Variants in SLC9A9 observed in about 807,000 individuals in gnomAD.
SLC9A9 encodes sodium/hydrogen exchanger 9.
Under a neutral mutation model 77.8 loss-of-function variants are expected in SLC9A9, and 62 were observed. The observed-to-expected ratio is 0.80, with a 90% CI of 0.65 to 0.98. SLC9A9 has a LOEUF of 0.98. Ranked by LOEUF, SLC9A9 falls within the 50% of genes least tolerant of loss-of-function variation. The pLI, the probability that SLC9A9 is intolerant of heterozygous loss-of-function variation, is 0.00. For synonymous variants in SLC9A9, 320 were observed against 283.5 expected, an observed-to-expected ratio of 1.13 and a Z score of -1.29; for missense variants, 775 against 774.9, an observed-to-expected ratio of 1.00 and a Z score of 0.00.
chr3:143,501,701 G>A (rs2035926260), intron 9 of SLC9A9, among the ~76,000 whole-genome samples: 1 of 150,942 alleles, frequency 6.6e-6, no homozygotes, highest in Non-Finnish European at 1.5e-5. Flanking sequence ...TCACAGCAAT[G>A]CAACAGTACT....
chr3:143,402,447 G>GTTTTTT (rs11292780), intron 12 of SLC9A9, among the ~76,000 whole-genome samples: 2 of 110,396 alleles, frequency 1.8e-5, no homozygotes, highest in African/African-American at 3.3e-5. Flanking sequence ...GCACCTTTGT[G>GTTTTTT]TTTTTTTTTT....
chr3:143,582,810 A>G (rs1054810127), intron 6 of SLC9A9, among the ~76,000 whole-genome samples: 2 of 152,174 alleles, frequency 1.3e-5, no homozygotes, highest in African/African-American at 4.8e-5. Flanking sequence ...AGGATGTTCT[A>G]TAAGCAAAGT....
chr3:143,276,048 G>C (rs1297862584), intron 14 of SLC9A9, among the ~76,000 whole-genome samples: 2 of 144,348 alleles, frequency 1.4e-5, no homozygotes, highest in Non-Finnish European at 2.9e-5. Flanking sequence ...TCTTTCCCTT[G>C]TCTCTACTGA....
intron 12 of SLC9A9, among the ~76,000 whole-genome samples, chr3:143,466,676 G>A (rs2035285556): frequency 6.6e-6 from 1 of 152,340 alleles, no homozygotes; most frequent in Non-Finnish European, 1.5e-5. Flanking sequence ...AGATTTCTCT[G>A]TATCAGTCCT....
At position 143,598,988 on chromosome 3, in the gene SLC9A9, A is replaced by T. The variant is rs2037803508; in HGVS notation, c.756-20265T>A. ...CTAGCCAAGCCAGATGCTGAAAATT[A>T]TGTAAGTAGAACCCACAGGTCGCCT... On this transcript the variant is annotated intron_variant, in intron 6 of 15. Coordinates refer to ENST00000316549, the MANE Select transcript of SLC9A9 (RefSeq NM_173653.4). 2.6e-5 allele frequency among the ~76,000 whole-genome samples: 4 copies of T among 152,226 alleles called. No homozygotes were observed. In the South Asian group the frequency reaches 8.3e-4, roughly 32 times the overall value.
chr3:143,350,073 T>C (rs1339199109), intron 14 of SLC9A9, among the ~76,000 whole-genome samples: 1 of 152,028 alleles, frequency 6.6e-6, no homozygotes, highest in African/African-American at 2.4e-5. Flanking sequence ...CCCACAAGAG[T>C]AGTCTTTCTG....
intron 5 of SLC9A9, among the ~76,000 whole-genome samples, chr3:143,687,809 G>T (rs1367641272): frequency 2.6e-5 from 4 of 152,076 alleles, no homozygotes; most frequent in Non-Finnish European, 5.9e-5. Context: ...TAAAATCGAA[G>T]TGGCTGCCCA....
At chr3:143,325,404 C>T (rs2031562183) in intron 14 of SLC9A9, among the ~76,000 whole-genome samples, 1 of 152,184 alleles carries the variant, frequency 6.6e-6, no homozygotes, top group East Asian at 1.9e-4. Flanking sequence ...ATTTCCTAAC[C>T]CTCTATAACC....
chr3:143,356,239 C>T (rs2032580070), intron 14 of SLC9A9, among the ~76,000 whole-genome samples: 1 of 152,166 alleles, frequency 6.6e-6, no homozygotes. Flanking sequence ...GAGAAAATTG[C>T]ACTATTTAAC....
rs192580043 is a variant in SLC9A9, at chr3:143,661,484, C to T, written c.650-9124G>A. On this transcript the variant is annotated intron_variant, in intron 5 of 15. Transcript: ENST00000316549. ...CTGGCACTGTGAACCCTTCCTGTCT[C>T]TCCAAGTGCTCCCCTCCTTTGTTTT... Among the ~76,000 whole-genome samples the T allele has an allele frequency of 1.1e-4, 16 of 152,268 alleles. No homozygotes were observed. In the East Asian group the frequency reaches 2.7e-3, roughly 26 times the overall value.
At chr3:143,425,301 G>A (rs141148573) in intron 12 of SLC9A9, among the ~76,000 whole-genome samples, 14 of 119,816 alleles carry the variant, frequency 1.2e-4, no homozygotes, top group South Asian at 2.6e-4. Context: ...TATAATCATC[G>A]TATCAGGACA....
chr3:143,690,893 G>A (rs964511013), intron 5 of SLC9A9, among the ~76,000 whole-genome samples: 1 of 152,120 alleles, frequency 6.6e-6, no homozygotes, highest in African/African-American at 2.4e-5. Context: ...GCTAATAAAT[G>A]CAAAAGGTAG....
intron 2 of SLC9A9, among the ~76,000 whole-genome samples, chr3:143,812,247 C>A (rs1000070214): frequency 1.3e-5 from 2 of 152,158 alleles, no homozygotes; most frequent in Non-Finnish European, 2.9e-5. Flanking sequence ...CAACACCTCA[C>A]CGGAGAATTT....
intron 9 of SLC9A9, among the ~76,000 whole-genome samples, chr3:143,529,076 G>A (rs2036458666): frequency 6.6e-6 from 1 of 152,174 alleles, no homozygotes; most frequent in Admixed American, 6.5e-5. Flanking sequence ...TGCAGATGAG[G>A]AGGGTGAGTT....
chr3:143,483,101 A>G (rs1177719058), intron 11 of SLC9A9, among the ~76,000 whole-genome samples: 2 of 152,254 alleles, frequency 1.3e-5, no homozygotes, highest in Non-Finnish European at 2.9e-5. Flanking sequence ...CAGAATTTGC[A>G]TTATTAAAAA....
chr3:143,437,313 CTGTT>C (rs2034638595), intron 12 of SLC9A9, among the ~76,000 whole-genome samples: 1 of 152,240 alleles, frequency 6.6e-6, no homozygotes, highest in East Asian at 1.9e-4. Context: ...ATTCCTTCCT[CTGTT>C]TGCTTGCAAG....
intron 10 of SLC9A9, among the ~76,000 whole-genome samples, chr3:143,494,267 A>T (rs181929138): frequency 1.3e-3 from 199 of 152,372 alleles, no homozygotes; most frequent in African/African-American, 4.6e-3. Flanking sequence ...CTGTCTAATT[A>T]CATAATACAA....
chr3:143,604,531 G>C (rs1457232553), intron 6 of SLC9A9, among the ~76,000 whole-genome samples: 2 of 152,238 alleles, frequency 1.3e-5, no homozygotes, highest in African/African-American at 4.8e-5. Context: ...GATGAAGAAG[G>C]AGAGGCTGGC....
chr3:143,697,737 C>T (rs143628037), intron 4 of SLC9A9, among the ~76,000 whole-genome samples: 50 of 49,524 alleles, frequency 1.0e-3, no homozygotes, highest in African/African-American at 3.0e-3. Flanking sequence ...TTTGCTTTTT[C>T]AAAAAAGAAA....
Sources: gnomAD v4.1 joint callset for allele counts (sites outside exome capture counted in the v4.1 genomes callset) on GRCh38, gnomAD v4.1.1 for gene constraint, MANE v1.5 for transcripts, NCBI Gene and HGNC (gene_info 2026-07-23, HGNC 2026-07-21) for gene names.